FAM184A: variants seen among roughly 807,000 people sequenced by gnomAD.
FAM184A encodes protein FAM184A.
In FAM184A, 99 loss-of-function variants were observed where a neutral mutation model predicts 143.8. The observed-to-expected ratio is 0.69, with a 90% CI of 0.58 to 0.81. FAM184A has a LOEUF of 0.81. Ranked by LOEUF, FAM184A falls within the 40% of genes least tolerant of loss-of-function variation. FAM184A has a pLI of 0.00. For missense variants in FAM184A, 1,217 were observed against 1,310.5 expected (o/e 0.93, Z 1.10); for synonymous variants, 427 against 446.4 (o/e 0.96, Z 0.55).
intron 1 of FAM184A, among the ~76,000 whole-genome samples, chr6:119,051,405 GGAA>G (rs1333035470): frequency 6.6e-6 from 1 of 152,144 alleles, no homozygotes; most frequent in African/African-American, 2.4e-5. Flanking sequence ...TGGGGTGTTA[GGAA>G]GAAGGAGGGA....
At position 119,049,450 on chromosome 6, in the gene FAM184A, AAAAAT is replaced by A. The variant is rs556274360; in HGVS notation, c.160-24642_160-24638del. On this transcript the variant is annotated intron_variant, in intron 1 of 17. Coordinates refer to ENST00000338891, the MANE Select transcript of FAM184A (RefSeq NM_024581.6). ...GGGATAAGAGCGACACTTTGTCTCA[AAAAAT>A]AAAATAAAAACAAAACAAAACAAAA... is the stretch of plus-strand genomic sequence containing the variant. 2.1e-3 allele frequency among the ~76,000 whole-genome samples: 323 copies of A among 152,328 alleles called. 1 individual carries two copies. The highest frequency in any genetic ancestry group is 3.8e-3 in the Non-Finnish European group (256 of 68,032).
At chr6:119,131,060 T>C (rs1385502097) in intron 1 of FAM184A, among the ~76,000 whole-genome samples, 1 of 152,080 alleles carries the variant, frequency 6.6e-6, no homozygotes, top group Non-Finnish European at 1.5e-5. Flanking sequence ...GGTTTCACCA[T>C]ATTGGCCAGG....
Position 119,076,080 on chromosome 6 carries a change from T to C in FAM184A, c.159+2061A>G, listed in dbSNP as rs149551551. On this transcript the variant is annotated intron_variant, in intron 1 of 17. Transcript: ENST00000338891. ...GCCCGCTCCTGGGAAATTTTGGTAA[T>C]ACCTGGAGGCATGTTTATTGTCATG... 2.7e-3 allele frequency among the ~76,000 whole-genome samples: 404 copies of C among 152,202 alleles called. 5 individuals are homozygous for C. The highest frequency in any genetic ancestry group is 9.5e-3 in the African/African-American group (394 of 41,518).
intron 1 of FAM184A, among the ~76,000 whole-genome samples, chr6:119,144,801 T>C (rs1399784998): frequency 1.3e-5 from 2 of 152,166 alleles, no homozygotes; most frequent in East Asian, 1.9e-4. Flanking sequence ...ACGTGCCCCC[T>C]GGCCTAGGGG....
At chr6:119,075,633 T>C (rs1787845865) in intron 1 of FAM184A, among the ~76,000 whole-genome samples, 1 of 152,208 alleles carries the variant, frequency 6.6e-6, no homozygotes, top group Non-Finnish European at 1.5e-5. Flanking sequence ...ATTTTAATTG[T>C]TACATTTACA....
intron 9 of FAM184A, among the ~76,000 whole-genome samples, chr6:118,985,261 G>A (rs1032968332): frequency 2.6e-5 from 4 of 152,230 alleles, no homozygotes; most frequent in Non-Finnish European, 5.9e-5. Context: ...CATAGCAGCT[G>A]AAACAGAGAC....
chr6:118,997,745 T>A (rs1452715828), intron 9 of FAM184A, among the ~76,000 whole-genome samples: 1 of 152,116 alleles, frequency 6.6e-6, no homozygotes, highest in Non-Finnish European at 1.5e-5. Flanking sequence ...TGAGCTCTAA[T>A]GCCAAATTTA....
chr6:119,042,174 G>A (rs988027658), intron 1 of FAM184A, among the ~76,000 whole-genome samples: 4 of 152,296 alleles, frequency 2.6e-5, no homozygotes, highest in South Asian at 2.1e-4. Context: ...ACCCAGAACC[G>A]GGGGTACATG....
intron 1 of FAM184A, chr6:119,025,746 C>T (rs975608804): frequency 4.7e-5 from 19 of 400,358 alleles, no homozygotes; most frequent in Admixed American, 2.7e-4. Context: ...CCCCCGGAAG[C>T]GAAAAGAAGT....
rs187493862 is a variant in FAM184A at position 119,124,559 on chromosome 6, A to G, written c.-202+24519T>C. ...CTTCTCATACTCTATTAAAAAGACC[A>G]TTATATGCTGTTAAAATGAGTCATG... On this transcript the variant is annotated intron_variant, in intron 1 of 16. Transcript: ENST00000352896. Among the ~76,000 whole-genome samples the G allele has an allele frequency of 1.1e-3, 171 of 152,292 alleles. 1 individual carries two copies. The highest frequency in any genetic ancestry group is 3.9e-3 in the African/African-American group (163 of 41,586).
chr6:119,074,257 T>G (rs898284622), intron 1 of FAM184A, among the ~76,000 whole-genome samples: 16 of 152,190 alleles, frequency 1.1e-4, no homozygotes, highest in Non-Finnish European at 1.8e-4. Flanking sequence ...AAACCAGAAC[T>G]GGCAAGACAA....
At chr6:118,975,824 A>C (rs1319290362) in intron 12 of FAM184A, 93 bp downstream of exon 12, 4 of 1,216,334 alleles carry the variant, frequency 3.3e-6, no homozygotes, top group African/African-American at 3.1e-5. Context: ...AACTAGTGAA[A>C]ATAAGTTATT....
At chr6:118,977,695 G>A (rs1583775384) in intron 11 of FAM184A, among the ~76,000 whole-genome samples, 1 of 152,160 alleles carries the variant, frequency 6.6e-6, no homozygotes, top group South Asian at 2.1e-4. Context: ...TATAGGAGGG[G>A]AGGACTGGGA....
intron 1 of FAM184A, among the ~76,000 whole-genome samples, chr6:119,144,749 T>C (rs1030065915): frequency 2.6e-5 from 4 of 152,232 alleles, no homozygotes; most frequent in Non-Finnish European, 5.9e-5. Flanking sequence ...GAGCTCTGGC[T>C]AAGAAATGGG....
chr6:119,128,147 G>C (rs1459004797), intron 1 of FAM184A, among the ~76,000 whole-genome samples: 1 of 152,042 alleles, frequency 6.6e-6, no homozygotes, highest in Non-Finnish European at 1.5e-5. Context: ...CAGACTCTTT[G>C]TAGCAGTAAG....
intron 1 of FAM184A, among the ~76,000 whole-genome samples, chr6:119,118,391 T>C (rs1382285886): frequency 6.6e-6 from 1 of 152,218 alleles, no homozygotes; most frequent in Non-Finnish European, 1.5e-5. Flanking sequence ...AATAGTTACC[T>C]TTATTATTGT....
chr6:119,137,224 G>GCTGCCTT (rs1468501581), intron 1 of FAM184A, among the ~76,000 whole-genome samples: 4 of 152,154 alleles, frequency 2.6e-5, no homozygotes, highest in Non-Finnish European at 4.4e-5. Flanking sequence ...CTTGCAGAGA[G>GCTGCCTT]CTGCCTTCTA....
chr6:119,134,685 A>G (rs1789617389), intron 1 of FAM184A, among the ~76,000 whole-genome samples: 1 of 151,968 alleles, frequency 6.6e-6, no homozygotes, highest in Non-Finnish European at 1.5e-5. Context: ...AGAAATAAAA[A>G]AAGAAAAAAA....
intron 9 of FAM184A, among the ~76,000 whole-genome samples, chr6:118,986,151 G>A (rs894811158): frequency 1.3e-5 from 2 of 152,100 alleles, no homozygotes; most frequent in African/African-American, 4.8e-5. Context: ...AAATTAGCCG[G>A]GTGTGGCAGC....
Sources: gnomAD v4.1 joint callset for allele counts (sites outside exome capture counted in the v4.1 genomes callset) on GRCh38, gnomAD v4.1.1 for gene constraint, MANE v1.5 for transcripts, NCBI Gene and HGNC (gene_info 2026-07-23, HGNC 2026-07-21) for gene names.